CADPS2: variants seen among roughly 807,000 people sequenced by gnomAD.
The protein encoded by CADPS2 is calcium dependent secretion activator 2, also known as calcium-dependent secretion activator 2.
CADPS2 carries 93 observed loss-of-function variants against 172.5 expected under a neutral mutation model. That is an observed-to-expected ratio of 0.54 (90% CI 0.46 to 0.64). The LOEUF is 0.64. Ranked by LOEUF, CADPS2 falls within the 30% of genes least tolerant of loss-of-function variation. The pLI is 0.00. For missense variants in CADPS2, 1,420 were observed against 1,565.9 expected (o/e 0.91, Z 1.57); for synonymous variants, 546 against 555.2 (o/e 0.98, Z 0.23).
intron 3 of CADPS2, among the ~76,000 whole-genome samples, chr7:122,645,210 ATAAG>A (rs2078174034): frequency 8.0e-6 from 1 of 125,518 alleles, no homozygotes; most frequent in Non-Finnish European, 1.7e-5. Context: ...ATGTATATAC[ATAAG>A]TATATATATA....
intron 7 of CADPS2, among the ~76,000 whole-genome samples, chr7:122,580,201 T>A (rs1164916127): frequency 6.6e-6 from 1 of 152,104 alleles, no homozygotes; most frequent in East Asian, 1.9e-4. Context: ...ATGCTTGTAA[T>A]CCCAGCATTT....
At chr7:122,360,738 T>C in intron 27 of CADPS2, 50 bp downstream of exon 27, 1 of 1,506,852 alleles carries the variant, frequency 6.6e-7, no homozygotes, top group Non-Finnish European at 8.9e-7. Context: ...ACTGCAATTT[T>C]TTTTTAAAGA....
intron 2 of CADPS2, among the ~76,000 whole-genome samples, chr7:122,700,562 T>C (rs1453001044): frequency 6.6e-6 from 1 of 151,962 alleles, no homozygotes; most frequent in East Asian, 1.9e-4. Context: ...TTTTCATCAA[T>C]ACAACAATAC....
chr7:122,364,948 T>C (rs961804269), intron 25 of CADPS2, among the ~76,000 whole-genome samples: 1 of 152,110 alleles, frequency 6.6e-6, no homozygotes, highest in Non-Finnish European at 1.5e-5. Flanking sequence ...AAGGAAATAA[T>C]GTCTTTGACT....
chr7:122,839,718 A>T (rs1304400100), intron 1 of CADPS2, among the ~76,000 whole-genome samples: 1 of 152,032 alleles, frequency 6.6e-6, no homozygotes, highest in Admixed American at 6.5e-5. Context: ...TGCAAATCAA[A>T]ACCACAATGA....
chr7:122,597,322 T>G (rs1273333799), intron 6 of CADPS2, among the ~76,000 whole-genome samples: 1 of 152,098 alleles, frequency 6.6e-6, no homozygotes, highest in Non-Finnish European at 1.5e-5. Context: ...ATAACTATCA[T>G]TATATCTGGC....
At chr7:122,707,782 A>C (rs1236837497) in intron 2 of CADPS2, among the ~76,000 whole-genome samples, 1 of 151,586 alleles carries the variant, frequency 6.6e-6, no homozygotes, top group Admixed American at 6.6e-5. Context: ...TTACTTTTAC[A>C]ATTTTTAATG....
chr7:122,362,707 G>A lies in CADPS2; in HGVS notation c.3388-1694C>T, dbSNP rs751290917. ...TTTCAATAGGAAAAGGGAAATTAAC[G>A]AAGACTGGTTTTTGTTCACATAGCA... On this transcript the variant is annotated intron_variant, in intron 25 of 29. Transcript: ENST00000449022. Among the ~76,000 whole-genome samples, 243 of 152,266 alleles carry A rather than the reference G, an allele frequency of 1.6e-3. 1 individual carries two copies. Among genetic ancestry groups the A allele is most frequent in the Non-Finnish European group, 2.0e-3 (136 of 68,026 alleles).
chr7:122,508,806 C>A (rs892478692), intron 9 of CADPS2, among the ~76,000 whole-genome samples: 2 of 152,050 alleles, frequency 1.3e-5, no homozygotes, highest in Non-Finnish European at 1.5e-5. Flanking sequence ...GTTTGGAAGG[C>A]CACACTATTA....
chr7:122,804,407 T>C (rs1196064233), intron 1 of CADPS2, among the ~76,000 whole-genome samples: 1 of 152,210 alleles, frequency 6.6e-6, no homozygotes, highest in African/African-American at 2.4e-5. Context: ...AAATACTCAA[T>C]ATAATTAAAC....
chr7:122,503,133 G>A (rs1398730829), intron 9 of CADPS2, among the ~76,000 whole-genome samples: 2 of 138,428 alleles, frequency 1.4e-5, no homozygotes, highest in African/African-American at 5.1e-5. Flanking sequence ...CTGGGTTCAA[G>A]CGATTCTCCT....
intron 1 of CADPS2, among the ~76,000 whole-genome samples, chr7:122,791,113 A>T (rs990037750): frequency 2.0e-5 from 3 of 152,206 alleles, no homozygotes; most frequent in Admixed American, 2.0e-4. Context: ...ATAAAGTTGT[A>T]TAAGATTGTA....
chr7:122,644,176 A>G (rs1311103466), intron 3 of CADPS2, among the ~76,000 whole-genome samples: 5 of 152,214 alleles, frequency 3.3e-5, no homozygotes, highest in African/African-American at 7.2e-5. Context: ...CCAAACATCA[A>G]ACACTTCAAA....
intron 7 of CADPS2, among the ~76,000 whole-genome samples, chr7:122,560,058 G>C (rs1563702879): frequency 6.6e-6 from 1 of 152,134 alleles, no homozygotes; most frequent in Non-Finnish European, 1.5e-5. Flanking sequence ...CTGGAGACCT[G>C]AGCAGGAAAA....
chr7:122,828,280 C>T (rs561942552), intron 1 of CADPS2, among the ~76,000 whole-genome samples: 4 of 151,994 alleles, frequency 2.6e-5, no homozygotes, highest in Admixed American at 2.0e-4. Flanking sequence ...TAATTATTCT[C>T]TTCTACTTTC....
intron 28 of CADPS2, among the ~76,000 whole-genome samples, chr7:122,334,742 T>C (rs1282409817): frequency 2.0e-5 from 3 of 152,232 alleles, no homozygotes; most frequent in African/African-American, 4.8e-5. Context: ...AGTATCTATT[T>C]TGAAACAGTA....
At chr7:122,705,726 C>G (rs796896358) in intron 2 of CADPS2, among the ~76,000 whole-genome samples, 1 of 5,586 alleles carries the variant, frequency 1.8e-4, no homozygotes, top group East Asian at 0.012. Flanking sequence ...TATAATATAT[C>G]ATATATTATA....
Position 122,554,698 on chromosome 7 carries a change from A to G in CADPS2, c.1336-9T>C, listed in dbSNP as rs769846599. ...GTTGGGTATAATATCACCTGTATGGAAAAAAAAACCCACATTTAAACGCAT... is the reference window on the plus strand; with the variant it reads ...GTTGGGTATAATATCACCTGTATGGGAAAAAAAACCCACATTTAAACGCAT... On this transcript the variant is annotated splice_polypyrimidine_tract_variant and intron_variant, in intron 7 of 29. Transcript: ENST00000449022. The G allele has an allele frequency of 1.4e-5, 21 of 1,509,692 alleles. No homozygotes were observed. In the East Asian group the frequency reaches 4.4e-4, roughly 31 times the overall value. The allele number at this position is 1,509,692 out of a possible 1,614,324, so 93.5% of individuals were successfully genotyped here. A position where few individuals can be genotyped will look rare whatever the true frequency, so the allele number is the denominator to read the frequency against.
intron 15 of CADPS2, among the ~76,000 whole-genome samples, chr7:122,448,665 A>C (rs1195275668): frequency 6.6e-6 from 1 of 152,148 alleles, no homozygotes. Context: ...TGATTAGTCT[A>C]ACTCAATATA....
Sources: allele counts gnomAD v4.1 joint callset (sites outside exome capture counted in the v4.1 genomes callset), GRCh38; gene constraint gnomAD v4.1.1; transcripts MANE v1.5; gene names NCBI Gene and HGNC (gene_info 2026-07-23, HGNC 2026-07-21).